The following DIP2C variants were observed in gnomAD, a reference collection of about 807,000 sequenced individuals.
DIP2C encodes disco-interacting protein 2 homolog C.
In DIP2C, 33 loss-of-function variants were observed where a neutral mutation model predicts 192.4. That is an observed-to-expected ratio of 0.17 (90% CI 0.13 to 0.23). The LOEUF (loss-of-function observed/expected upper bound fraction) is 0.23, where lower values mean the gene tolerates loss of function less well. DIP2C is among the 10% of genes least tolerant of loss of function. DIP2C has a pLI of 1.00. For synonymous variants in DIP2C, 979 were observed against 864.1 expected (o/e 1.13, Z -2.33); for missense variants, 1,537 against 2,110.1 (o/e 0.73, Z 5.32).
chr10:490,862 A>G (rs1844386677), intron 1 of DIP2C, among the ~76,000 whole-genome samples: 1 of 152,222 alleles, frequency 6.6e-6, no homozygotes, highest in Non-Finnish European at 1.5e-5. Flanking sequence ...CACAAGTCCT[A>G]CTTTGGAAGT....
intron 1 of DIP2C, among the ~76,000 whole-genome samples, chr10:619,312 A>T (rs1312691278): frequency 6.6e-6 from 1 of 152,204 alleles, no homozygotes; most frequent in Non-Finnish European, 1.5e-5. Context: ...TGGAAACTGG[A>T]ATCCAAAACA....
At chr10:417,744 GC>G in intron 6 of DIP2C, among the ~76,000 whole-genome samples, 1 of 134,730 alleles carries the variant, frequency 7.4e-6, no homozygotes, top group African/African-American at 3.0e-5. Context: ...GCCTGTCAGG[GC>G]TCGGATAGGC....
chr10:565,156 C>T (rs749688416), intron 1 of DIP2C, among the ~76,000 whole-genome samples: 3 of 152,090 alleles, frequency 2.0e-5, no homozygotes, highest in Non-Finnish European at 2.9e-5. Flanking sequence ...AGTATCAGGG[C>T]CTCGAGTGAG....
intron 9 of DIP2C, among the ~76,000 whole-genome samples, chr10:400,069 C>T (rs570809949): frequency 1.3e-5 from 2 of 152,266 alleles, no homozygotes; most frequent in Non-Finnish European, 2.9e-5. Flanking sequence ...TCTAAAGAAA[C>T]AAGTTCACTC....
At chr10:441,079 A>C in intron 3 of DIP2C, 83 bp from the exon 4 acceptor site, 1 of 1,473,216 alleles carries the variant, frequency 6.8e-7, no homozygotes, top group East Asian at 2.4e-5. Flanking sequence ...TCCCTGCAGC[A>C]CAGTTCATCC....
In DIP2C at chr10:275,743, CCAATT is replaced by C. The variant is rs1318546026; in HGVS notation, c.*1577_*1581del. 6.6e-6 allele frequency: 1 copy of C among 152,046 alleles called. No individual in the cohort carries two copies. Among genetic ancestry groups the C allele is most frequent in the African/African-American group, 2.4e-5 (1 of 41,382 alleles). 9.4% of individuals were successfully genotyped at this position (152,046 alleles called of 1,614,324 possible). On this transcript the variant is annotated 3_prime_UTR_variant, in exon 37 of 37. Coordinates refer to ENST00000280886, the MANE Select transcript of DIP2C (RefSeq NM_014974.3). ...CTCCTTCTTGGTTGGACACCGTGGG[CCAATT>C]CAATTTAGAAGTGCACAGGTGAGCT...
intron 1 of DIP2C, among the ~76,000 whole-genome samples, chr10:597,069 C>A (rs1564247508): frequency 6.6e-6 from 1 of 152,292 alleles, no homozygotes; most frequent in South Asian, 2.1e-4. Context: ...CCCATCCTCG[C>A]CAGTGTAGGG....
At chr10:639,615 T>C (rs1855051474) in intron 1 of DIP2C, among the ~76,000 whole-genome samples, 3 of 152,224 alleles carry the variant, frequency 2.0e-5, no homozygotes, top group South Asian at 2.1e-4. Flanking sequence ...CCAAGGTCAT[T>C]AAACGCATGG....
Position 651,258 on chromosome 10 carries a change from C to A in DIP2C, c.85+38236G>T. On this transcript the variant is annotated intron_variant, in intron 1 of 36. Coordinates refer to ENST00000280886, the MANE Select transcript of DIP2C (RefSeq NM_014974.3). This position sits in a 1 kb window ranked among gnomAD's most constrained non-coding sequence, Gnocchi z 4.1. The stretch of plus-strand genomic sequence containing the variant: ...ATGGCGTCACAGCGTGGGTTCCGGT[C>A]ACCAGTCGGCCTCCCCCACCAACGT... 3 of 715,098 alleles carry A rather than the reference C, an allele frequency of 4.2e-6. No individual in the cohort carries two copies. In the South Asian group the frequency reaches 4.4e-5, roughly 11 times the overall value. 44.3% of individuals were successfully genotyped at this position (715,098 alleles called of 1,614,324 possible). A position where few individuals can be genotyped will look rare whatever the true frequency, so the allele number is the denominator to read the frequency against.
intron 1 of DIP2C, among the ~76,000 whole-genome samples, chr10:520,746 G>A (rs901946943): frequency 2.0e-5 from 3 of 152,154 alleles, no homozygotes; most frequent in Non-Finnish European, 4.4e-5. Context: ...AAATAAGTTG[G>A]AAACCAAAAA....
chr10:419,859 G>A (rs942132862), intron 5 of DIP2C, among the ~76,000 whole-genome samples: 2 of 152,202 alleles, frequency 1.3e-5, no homozygotes, highest in African/African-American at 2.4e-5. Flanking sequence ...CAATGAGCGC[G>A]TGGAGCTCTT....
At chr10:643,663 G>A (rs370328553) in intron 1 of DIP2C, among the ~76,000 whole-genome samples, 14 of 152,212 alleles carry the variant, frequency 9.2e-5, no homozygotes, top group African/African-American at 2.4e-4. Flanking sequence ...CACAGAGGCT[G>A]AGATTCCCTA....
intron 1 of DIP2C, among the ~76,000 whole-genome samples, chr10:603,298 C>CAAAAAAAAAAAAAAAAAAAA (rs71376842): frequency 1.1e-4 from 5 of 45,882 alleles, no homozygotes; most frequent in African/African-American, 6.1e-4. Flanking sequence ...GACTCCATCT[C>CAAAAAAAAAAAAAAAAAAAA]AAAAAAAAAA....
At chr10:300,445 C>A (rs1161153807) in intron 32 of DIP2C, among the ~76,000 whole-genome samples, 1 of 152,118 alleles carries the variant, frequency 6.6e-6, no homozygotes, top group East Asian at 1.9e-4. Flanking sequence ...CTAGAGTAGT[C>A]AAATTCATAG....
At chr10:458,610 C>A (rs1969497291) in intron 3 of DIP2C, among the ~76,000 whole-genome samples, 2 of 150,738 alleles carry the variant, frequency 1.3e-5, no homozygotes, top group African/African-American at 4.9e-5. Context: ...ATTCCTGCCT[C>A]ACTGGCAGCA....
intron 1 of DIP2C, among the ~76,000 whole-genome samples, chr10:492,112 T>C (rs987729232): frequency 1.3e-4 from 20 of 152,214 alleles, no homozygotes; most frequent in Admixed American, 9.8e-4. Context: ...AACCACCATC[T>C]AGGGACCCCA....
intron 10 of DIP2C, among the ~76,000 whole-genome samples, chr10:392,087 T>C (rs767294467): frequency 1.3e-5 from 2 of 152,164 alleles, no homozygotes; most frequent in African/African-American, 4.8e-5. Context: ...GGGGACATCT[T>C]GTGGTGCTTT....
chr10:372,460 G>T lies in DIP2C; in HGVS notation c.1992-2827C>A, dbSNP rs532165744. ...ATTGAATATGTTAAGATTACAAATTGTGTTTGCTATAGGAACTTTTCAGTT... is the reference window on the plus strand; with the variant it reads ...ATTGAATATGTTAAGATTACAAATTTTGTTTGCTATAGGAACTTTTCAGTT... On this transcript the variant is annotated intron_variant, in intron 17 of 36. Coordinates refer to ENST00000280886, the MANE Select transcript of DIP2C (RefSeq NM_014974.3). Among the ~76,000 whole-genome samples the T allele has an allele frequency of 2.0e-5, 3 of 152,348 alleles. No homozygotes were observed. The South Asian group carries it at 6.2e-4, about 32-fold the overall frequency.
intron 1 of DIP2C, among the ~76,000 whole-genome samples, chr10:583,453 T>C (rs1171861862): frequency 1.3e-5 from 2 of 152,248 alleles, no homozygotes; most frequent in South Asian, 2.1e-4. Flanking sequence ...GTAACATCCC[T>C]GGAAATGGCA....
Sources: gnomAD v4.1 joint callset for allele counts (sites outside exome capture counted in the v4.1 genomes callset) on GRCh38, gnomAD v4.1.1 for gene constraint, Gnocchi (gnomAD v3.1) non-coding constraint, MANE v1.5 for transcripts, NCBI Gene and HGNC (gene_info 2026-07-23, HGNC 2026-07-21) for gene names.